The following MYLK variants were observed in gnomAD, a reference collection of about 807,000 sequenced individuals.
The protein encoded by MYLK is myosin light chain kinase, smooth muscle.
MYLK carries 106 observed loss-of-function variants against 203.4 expected under a neutral mutation model. The ratio of observed to expected loss-of-function variants is 0.52; its 90% CI spans 0.45 to 0.61. The LOEUF (loss-of-function observed/expected upper bound fraction) is 0.61. MYLK is among the 20% of genes least tolerant of loss of function. The probability of loss-of-function intolerance (pLI) is 0.00; values close to 1 mark genes in which losing one functional copy is unlikely to be tolerated. For synonymous variants in MYLK, 867 were observed against 959.5 expected (o/e 0.90, Z 1.78); for missense variants, 2,072 against 2,442.3 (o/e 0.85, Z 3.20).
chr3:123,654,445 G>A (rs139230046), intron 24 of MYLK, among the ~76,000 whole-genome samples: 221 of 152,066 alleles, frequency 1.5e-3, no homozygotes, highest in African/African-American at 4.8e-3. Flanking sequence ...TCGCTTTCTC[G>A]CTTTCTGAGC....
chr3:123,663,498 C>T (rs1159202859), intron 23 of MYLK, among the ~76,000 whole-genome samples: 3 of 152,040 alleles, frequency 2.0e-5, no homozygotes, highest in African/African-American at 7.3e-5. Flanking sequence ...GGTAGGGTGG[C>T]TAGAGTGAGA....
chr3:123,655,010 G>A (rs1231998685), intron 24 of MYLK, among the ~76,000 whole-genome samples: 3 of 152,078 alleles, frequency 2.0e-5, no homozygotes, highest in Non-Finnish European at 2.9e-5. Context: ...GAGCCACCAC[G>A]CCCGGCCTCT....
intron 33 of MYLK, among the ~76,000 whole-genome samples, chr3:123,615,216 A>C (rs944240800): frequency 4.6e-5 from 7 of 152,052 alleles, no homozygotes; most frequent in African/African-American, 1.7e-4. Context: ...GTTCAAGACC[A>C]GCTTGGCCAA....
intron 4 of MYLK, among the ~76,000 whole-genome samples, chr3:123,771,053 A>C (rs138880481): frequency 6.6e-6 from 1 of 152,344 alleles, no homozygotes; most frequent in African/African-American, 2.4e-5. Context: ...TGAATGTATA[A>C]AGGTGAGAGA....
rs1354307057 is a variant in MYLK at position 123,722,286 on chromosome 3, G to A, written c.1652-6C>T. 1 of 1,565,016 alleles carries A rather than the reference G, an allele frequency of 6.4e-7. No homozygotes were observed. The highest frequency in any genetic ancestry group is 1.9e-5 in the Admixed American group (1 of 53,258). ...AGCGTACTGGATGGGCTGCCCTGTG[G>A]AGGAAGCACAGGAAGGCTCAGGCCA... On this transcript the variant is annotated splice_region_variant and splice_polypyrimidine_tract_variant and intron_variant, in intron 12 of 33. Transcript: ENST00000360304.
At chr3:123,679,505 C>T (rs2060190214) in intron 20 of MYLK, among the ~76,000 whole-genome samples, 1 of 151,894 alleles carries the variant, frequency 6.6e-6, no homozygotes, top group Non-Finnish European at 1.5e-5. Flanking sequence ...GCACCGCTCT[C>T]AGTGTTGGGG....
intron 13 of MYLK, among the ~76,000 whole-genome samples, chr3:123,718,485 C>A (rs2061980696): frequency 6.6e-6 from 1 of 152,248 alleles, no homozygotes; most frequent in Non-Finnish European, 1.5e-5. Context: ...TGAGCCCCCG[C>A]ATTCTGAACT....
intron 4 of MYLK, among the ~76,000 whole-genome samples, chr3:123,782,963 GTGTT>G (rs1423650186): frequency 6.6e-6 from 1 of 152,210 alleles, no homozygotes; most frequent in Admixed American, 6.5e-5. Context: ...AGTGTGCACA[GTGTT>G]TGTTCTACTT....
chr3:123,844,822 G>GC (rs1427950963), intron 2 of MYLK, among the ~76,000 whole-genome samples: 19 of 117,854 alleles, frequency 1.6e-4, no homozygotes, highest in African/African-American at 6.2e-4. Context: ...CTCCTCAGTT[G>GC]TTTTTTTTTT....
At chr3:123,823,156 T>A (rs112318740) in intron 3 of MYLK, among the ~76,000 whole-genome samples, 1 of 152,196 alleles carries the variant, frequency 6.6e-6, no homozygotes, top group Non-Finnish European at 1.5e-5. Context: ...TGGAATGCCA[T>A]GCTCTCCTGT....
At chr3:123,619,058 C>T (rs1227850670) in intron 32 of MYLK, among the ~76,000 whole-genome samples, 1 of 152,220 alleles carries the variant, frequency 6.6e-6, no homozygotes, top group African/African-American at 2.4e-5. Flanking sequence ...TTTCTGGCTG[C>T]ATTTCATGCT....
Position 123,628,934 on chromosome 3 carries a change from A to G in MYLK, c.5114+540T>C, listed in dbSNP as rs142388601. ...GGGATCATAGCCTCCCTTTGGCCAG[A>G]TGTTAGAACGTACCTGGCTGTATTC... On this transcript the variant is annotated intron_variant, in intron 30 of 33. Coordinates refer to ENST00000360304, the MANE Select transcript of MYLK (RefSeq NM_053025.4). Among the ~76,000 whole-genome samples the G allele has an allele frequency of 1.6e-4, 25 of 152,336 alleles. No individual in the cohort carries two copies. In the East Asian group the frequency reaches 4.6e-3, roughly 28 times the overall value.
At chr3:123,729,067 G>C (rs888760511) in intron 11 of MYLK, among the ~76,000 whole-genome samples, 1 of 152,158 alleles carries the variant, frequency 6.6e-6, no homozygotes, top group Non-Finnish European at 1.5e-5. Flanking sequence ...GAGAACTGAG[G>C]AGCCCAAATG....
At chr3:123,805,061 G>C (rs529193510) in intron 3 of MYLK, among the ~76,000 whole-genome samples, 85 of 152,266 alleles carry the variant, frequency 5.6e-4, no homozygotes, top group African/African-American at 2.0e-3. Flanking sequence ...GCTCCTGCTG[G>C]ACCCCTGGGG....
rs2057219614 is a variant in MYLK at position 123,610,249 on chromosome 3, A to G, written c.*3856T>C. On this transcript the variant is annotated 3_prime_UTR_variant, in exon 34 of 34. Transcript: ENST00000360304. ...ATTTTTTAAAGTAACTTAAATTTAA[A>G]TAGCCACTTGTGAGTAGTGGCTACC... 1 of 152,222 alleles carries G rather than the reference A, an allele frequency of 6.6e-6. No individual in the cohort carries two copies. Among genetic ancestry groups the G allele is most frequent in the South Asian group, 2.1e-4 (1 of 4,838 alleles). The allele number at this position is 152,222 out of a possible 1,614,324, so 9.4% of individuals were successfully genotyped here.
rs1360127995 is a variant in MYLK at position 123,614,037 on chromosome 3, T to C, written c.*68A>G. On this transcript the variant is annotated 3_prime_UTR_variant, in exon 34 of 34. Coordinates refer to ENST00000360304, the MANE Select transcript of MYLK (RefSeq NM_053025.4). The stretch of plus-strand genomic sequence containing the variant: ...GCTTTTACTATCTTGAGTTTTTTTT[T>C]TTTTTTTGAGTTTTAGAGAAATAGT... The C allele has an allele frequency of 1.3e-6, 2 of 1,562,392 alleles. No individual in the cohort carries two copies. Among genetic ancestry groups the C allele is most frequent in the Non-Finnish European group, 1.7e-6 (2 of 1,153,926 alleles).
chr3:123,691,789 G>C (rs1023716508), intron 19 of MYLK: 1 of 152,204 alleles, frequency 6.6e-6, no homozygotes, highest in African/African-American at 2.4e-5. Context: ...GACATTTCAA[G>C]GGCAAGAAAC....
chr3:123,845,564 C>T (rs575696992), intron 2 of MYLK, among the ~76,000 whole-genome samples: 71 of 152,290 alleles, frequency 4.7e-4, no homozygotes, highest in Non-Finnish European at 7.6e-4. Context: ...AGTCACAGCT[C>T]ACTGCAGCCT....
At chr3:123,826,754 C>T (rs2066135457) in intron 3 of MYLK, among the ~76,000 whole-genome samples, 1 of 152,184 alleles carries the variant, frequency 6.6e-6, no homozygotes, top group Non-Finnish European at 1.5e-5. Context: ...AAAGCTGCAC[C>T]ACTGTCACCA....
Sources: allele counts gnomAD v4.1 joint callset (sites outside exome capture counted in the v4.1 genomes callset), GRCh38; gene constraint gnomAD v4.1.1; transcripts MANE v1.5; gene names NCBI Gene and HGNC (gene_info 2026-07-23, HGNC 2026-07-21).